The following EIF2B4 variants were observed in gnomAD, a reference collection of about 807,000 sequenced individuals.
EIF2B4 encodes translation initiation factor eIF2B subunit delta.
Under a neutral mutation model 66.7 loss-of-function variants are expected in EIF2B4, and 34 were observed. The observed-to-expected ratio is 0.51, with a 90% CI of 0.39 to 0.68. The LOEUF is 0.68. EIF2B4 is among the 30% of genes least tolerant of loss of function. The pLI is 0.00. For synonymous variants in EIF2B4, 278 were observed against 253.6 expected (o/e 1.10, Z -0.92); for missense variants, 618 against 657.9 (o/e 0.94, Z 0.66).
chr2:27,370,131 G>A (rs1682290512), intron 1 of EIF2B4, 153 bp downstream of exon 1: 4 of 1,524,042 alleles, frequency 2.6e-6, no homozygotes, highest in Non-Finnish European at 3.5e-6. Context: ...CAGCCGGTGC[G>A]CGGCGCGGGA....
At chr2:27,367,923 A>AT in intron 7 of EIF2B4, 101 bp from the exon 8 acceptor site, 7 of 1,472,290 alleles carry the variant, frequency 4.8e-6, no homozygotes, top group Non-Finnish European at 6.6e-6. Flanking sequence ...TGAGGGTAGG[A>AT]GTATTCCCTC....
chr2:27,366,711 C>T (rs1169265150), intron 11 of EIF2B4, 48 bp downstream of exon 11: 2 of 1,600,398 alleles, frequency 1.2e-6, no homozygotes, highest in African/African-American at 1.3e-5. Context: ...GTCTATACTA[C>T]TACACCTTTT....
intron 4 of EIF2B4, 127 bp downstream of exon 4, chr2:27,368,879 G>T: frequency 7.1e-7 from 1 of 1,416,928 alleles, no homozygotes; most frequent in Non-Finnish European, 9.9e-7. Context: ...ATAGGATAAT[G>T]GGGTTGCAGG....
rs1240294780 is a variant in EIF2B4, at chr2:27,367,797, G to A, written c.731C>T (p.Pro244Leu). Residue 244 changes from proline to leucine, a missense_variant, in exon 8 of 13, where the codon CCT becomes CTT. Physicochemically the swap from Pro to Leu is moderately conservative, Grantham distance 98 (BLOSUM62 -3). Transcript: ENST00000347454. ...QQVIQDYTTP[P>L]NEELSRDLVN... ...TAGATCCCTGGAGAGTTCTTCATTA[G>A]GCGGTGTTGTGTAATCCTGAATCAC... The A allele has an allele frequency of 1.9e-6, 3 of 1,614,098 alleles. No homozygotes were observed. Among genetic ancestry groups the A allele is most frequent in the South Asian group, 1.1e-5 (1 of 91,084 alleles).
At position 27,370,323 on chromosome 2, in the gene EIF2B4, G is replaced by C. The variant is rs1415661399; in HGVS notation, c.-9C>G. 7.8e-6 allele frequency: 12 copies of C among 1,542,144 alleles called. No individual in the cohort carries two copies. The highest frequency in any genetic ancestry group is 9.6e-6 in the Non-Finnish European group (11 of 1,146,798). ...ACGGCCACAGCAGCCATCGCCCTCA[G>C]TCCTAGGCTCCGCCCGCCGTGGTCA... On this transcript the variant is annotated 5_prime_UTR_variant, in exon 1 of 13. Coordinates refer to ENST00000347454, the MANE Select transcript of EIF2B4 (RefSeq NM_001034116.2).
chr2:27,369,337 GTCTCTCCCTTA>G lies in EIF2B4; in HGVS notation c.211+66_211+76del, dbSNP rs144459651. ...CACTTGCTCAAATCAACTTTGTCCT[GTCTCTCCCTTA>G]TCTCTCCCACCACATCCCTCTACCA... On this transcript the variant is annotated intron_variant, in intron 3 of 12. Transcript: ENST00000347454. 6.9e-3 allele frequency: 11,041 copies of G among 1,610,738 alleles called. 679 individuals carry two copies. In the African/African-American group the frequency reaches 0.13, roughly 19 times the overall value.
At chr2:27,369,756 A>C in intron 2 of EIF2B4, 120 bp downstream of exon 2, 2 of 1,463,378 alleles carry the variant, frequency 1.4e-6, no homozygotes, top group Non-Finnish European at 9.2e-7. Context: ...AGACCTCTGT[A>C]AAATCTCCTG....
rs1364365283 is a variant in EIF2B4, at chr2:27,368,760, G to A, written c.419-27C>T. The A allele has an allele frequency of 5.0e-6, 8 of 1,610,508 alleles. No homozygotes were observed. The African/African-American group carries it at 6.7e-5, about 13-fold the overall frequency. ...TGAAAGATAATCATCATGTTTTCAG[G>A]ACACTGTAGGTCTTGAAATGTGTAA... On this transcript the variant is annotated intron_variant, in intron 4 of 12. Transcript: ENST00000347454.
In EIF2B4 at chr2:27,369,459, C is replaced by T. The variant is rs747515908; in HGVS notation, c.166G>A (p.Ala56Thr). 1.7e-5 allele frequency: 28 copies of T among 1,613,922 alleles called. No individual in the cohort carries two copies. Among genetic ancestry groups the T allele is most frequent in the African/African-American group, 2.7e-5 (2 of 74,876 alleles). Residue 56 changes from alanine (A) to threonine (T), a missense_variant, in exon 3 of 13, where the codon GCA (alanine) becomes ACA (threonine). Ala to Thr is a moderately conservative substitution (Grantham distance 58). This residue lies in a region of EIF2B4 where 506 missense variants were observed against 511.9 expected (regional missense o/e 0.99). Coordinates refer to ENST00000347454, the MANE Select transcript of EIF2B4 (RefSeq NM_001034116.2). Reference protein sequence around the residue: ...QKKKRKEEKGAEPETGSAVSA... With the variant: ...QKKKRKEEKGTEPETGSAVSA... ...ACAGCAGAGCCAGTCTCTGGTTCTG[C>T]CCCCTTTTCTTCCTTCCGTTTCTTC... is the stretch of plus-strand genomic sequence containing the variant.
Position 27,367,988 on chromosome 2 carries a change from G to A in EIF2B4, c.705+37C>T, listed in dbSNP as rs780352685. ...AAGCTGGGGTAGTATTGGGGGAGGTGGGGTTGGATCATAAGAGAGAACAGG... is the reference window on the plus strand; with the variant it reads ...AAGCTGGGGTAGTATTGGGGGAGGTAGGGTTGGATCATAAGAGAGAACAGG... On this transcript the variant is annotated intron_variant, in intron 7 of 12. Coordinates refer to ENST00000347454, the MANE Select transcript of EIF2B4 (RefSeq NM_001034116.2). 9 of 1,541,276 alleles carry A rather than the reference G, an allele frequency of 5.8e-6. No homozygotes were observed. In the African/African-American group the frequency reaches 9.6e-5, roughly 16 times the overall value.
intron 1 of EIF2B4, 83 bp downstream of exon 1, chr2:27,370,201 C>T: frequency 2.6e-6 from 4 of 1,536,568 alleles, no homozygotes; most frequent in Non-Finnish European, 3.5e-6. Context: ...GCGGCGGGGC[C>T]CAAAGGCGCT....
At chr2:27,365,008 C>T in intron 11 of EIF2B4, 110 bp from the exon 12 acceptor site, 1 of 1,096,332 alleles carries the variant, frequency 9.1e-7, no homozygotes, top group Non-Finnish European at 1.3e-6. Context: ...ATCTCAACAC[C>T]TGTGAAAAGA....
chr2:27,368,296 A>G, intron 6 of EIF2B4, 76 bp downstream of exon 6: 1 of 1,428,630 alleles, frequency 7.0e-7, no homozygotes, highest in Non-Finnish European at 9.9e-7. Context: ...TCCATCTCAG[A>G]TTACTAGAAA....
chr2:27,365,037 A>C, intron 11 of EIF2B4, 139 bp from the exon 12 acceptor site: 1 of 845,266 alleles, frequency 1.2e-6, no homozygotes, highest in Non-Finnish European at 1.9e-6. Flanking sequence ...AAACAAAAAC[A>C]GACAACAAGT....
intron 11 of EIF2B4, 64 bp downstream of exon 11, chr2:27,366,695 G>C (rs567846751): frequency 3.7e-5 from 59 of 1,576,078 alleles, no homozygotes; most frequent in African/African-American, 5.4e-5. Flanking sequence ...GGGAAGGTGA[G>C]ATTATGTCTA....
At chr2:27,370,193 G>A (rs1682298821) in intron 1 of EIF2B4, 91 bp downstream of exon 1, 3 of 1,532,098 alleles carry the variant, frequency 2.0e-6, no homozygotes, top group Non-Finnish European at 1.8e-6. Context: ...GGAACGGAGC[G>A]GCGGGGCCCA....
intron 7 of EIF2B4, 24 bp from the exon 8 acceptor site, chr2:27,367,846 G>T: frequency 6.2e-7 from 1 of 1,600,544 alleles, no homozygotes. Context: ...AAGGTGATCT[G>T]CAAAATACCC....
rs1272467526 is a variant in EIF2B4, at chr2:27,368,038, C to A, written c.692G>T (p.Arg231Leu). 1.9e-6 allele frequency: 3 copies of A among 1,587,928 alleles called. No homozygotes were observed. The highest frequency in any genetic ancestry group is 4.6e-5 in the East Asian group (2 of 43,768). The part of the protein sequence containing the change: ...GSNARCIALL[R>L]ALQQVIQDYT... ...GATGGGACATACCTGCTGCAAGGCA[C>A]GAAGCAGGGCAATACACCGGGCATT... The change falls in exon 7 of 13, where the codon CGT becomes CTT. Residue 231 changes from arginine (R) to leucine (L), a missense_variant. Physicochemically the swap from Arg to Leu is moderately radical, Grantham distance 102 (BLOSUM62 -2). Around this residue, in one of 4 missense-constraint regions of EIF2B4, gnomAD observed 506 missense variants for 511.9 expected, o/e 0.99. Transcript: ENST00000347454.
chr2:27,368,904 C>G (rs937433718), intron 4 of EIF2B4, 102 bp downstream of exon 4: 6 of 1,513,776 alleles, frequency 4.0e-6, no homozygotes, highest in Non-Finnish European at 5.5e-6. Flanking sequence ...ATTCAGAACT[C>G]TGGGTCCCAA....
Sources: gnomAD v4.1 joint callset for allele counts on GRCh38, gnomAD v4.1.1 for gene constraint, gnomAD v4.1.1 regional missense constraint, MANE v1.5 for transcripts, NCBI Gene and HGNC (gene_info 2026-07-23, HGNC 2026-07-21) for gene names.